Variants in RYR3 observed in about 807,000 individuals in gnomAD.
RYR3 encodes brain ryanodine receptor-calcium release channel.
Under a neutral mutation model 584.3 loss-of-function variants are expected in RYR3, and 207 were observed. The observed-to-expected ratio is 0.35, with a 90% CI of 0.32 to 0.40. The LOEUF (loss-of-function observed/expected upper bound fraction) is 0.40. Among genes scored for constraint, RYR3 ranks in the 10% least tolerant of loss-of-function variants. The probability of loss-of-function intolerance (pLI) is 1.00; values close to 1 mark genes in which losing one functional copy is unlikely to be tolerated. For missense variants in RYR3, 5,616 were observed against 6,089.2 expected, an observed-to-expected ratio of 0.92 and a Z score of 2.59; for synonymous variants, 2,416 against 2,248.5, an observed-to-expected ratio of 1.07 and a Z score of -2.11.
chr15:33,311,323 C>G lies in RYR3; in HGVS notation c.51+227C>G, dbSNP rs1022210849. Among the ~76,000 whole-genome samples the G allele has an allele frequency of 7.2e-5, 11 of 152,306 alleles. No individual in the cohort carries two copies. The East Asian group carries it at 2.1e-3, about 29-fold the overall frequency. On this transcript the variant is annotated intron_variant, in intron 1 of 103. Coordinates refer to ENST00000634891, the MANE Select transcript of RYR3 (RefSeq NM_001036.6). The surrounding 1 kb of genome is among the most constrained non-coding windows in gnomAD (Gnocchi z 4.4). ...CTCTCCCTTGTTCCCCTACCGCCAC[C>G]CCTGCCCCAGGCCCTCCACCTAGGA...
chr15:33,476,918 C>T (rs1176323366), intron 2 of RYR3, among the ~76,000 whole-genome samples: 2 of 152,142 alleles, frequency 1.3e-5, no homozygotes, highest in African/African-American at 4.8e-5. Context: ...ACTTGGGTTC[C>T]AAGAGCTTCA....
intron 99 of RYR3, 56 bp from the exon 100 acceptor site, chr15:33,859,519 T>G: frequency 6.3e-7 from 1 of 1,593,208 alleles, no homozygotes; most frequent in South Asian, 1.1e-5. Context: ...TCTGAGCATC[T>G]TGCTAAAAAC....
chr15:33,354,143 G>A (rs1013847967), intron 1 of RYR3, among the ~76,000 whole-genome samples: 3 of 152,292 alleles, frequency 2.0e-5, no homozygotes, highest in Middle Eastern at 3.4e-3. Context: ...CAACATAAAT[G>A]TTTAACATCC....
Position 33,311,003 on chromosome 15 carries a change from C to CA in RYR3, c.-42dup. 1 of 1,529,112 alleles carries CA rather than the reference C, an allele frequency of 6.5e-7. No individual in the cohort carries two copies. 94.7% of individuals were successfully genotyped at this position (1,529,112 alleles called of 1,614,324 possible). On this transcript the variant is annotated 5_prime_UTR_variant, in exon 1 of 104. Coordinates refer to ENST00000634891, the MANE Select transcript of RYR3 (RefSeq NM_001036.6). The surrounding 1 kb of genome is among the most constrained non-coding windows in gnomAD (Gnocchi z 4.4). ...CACGCCGAGCGGCTGCCGGGGGAAG[C>CA]AGAGGCGCCGGAGGCTGGGGCACCG...
intron 1 of RYR3, among the ~76,000 whole-genome samples, chr15:33,374,479 T>C (rs998181464): frequency 6.6e-6 from 1 of 152,092 alleles, no homozygotes; most frequent in Non-Finnish European, 1.5e-5. Flanking sequence ...TCCTCAATTA[T>C]GGTCAGTGCC....
chr15:33,436,949 T>C (rs1038637893), intron 1 of RYR3, among the ~76,000 whole-genome samples: 2 of 152,206 alleles, frequency 1.3e-5, no homozygotes, highest in Non-Finnish European at 2.9e-5. Context: ...CATTTAAATA[T>C]CTAATCCACT....
At chr15:33,494,310 A>G (rs989847181) in intron 2 of RYR3, among the ~76,000 whole-genome samples, 1 of 152,200 alleles carries the variant, frequency 6.6e-6, no homozygotes, top group African/African-American at 2.4e-5. Flanking sequence ...AATAAATTTG[A>G]TAACCTTCTC....
At chr15:33,406,061 A>G (rs1460903077) in intron 1 of RYR3, among the ~76,000 whole-genome samples, 1 of 152,200 alleles carries the variant, frequency 6.6e-6, no homozygotes, top group Non-Finnish European at 1.5e-5. Flanking sequence ...CCAGGAGGAC[A>G]TGTTATTCTG....
chr15:33,811,041 A>T lies in RYR3; in HGVS notation c.10257+4A>T, dbSNP rs1287812179. 6.2e-7 allele frequency: 1 copy of T among 1,605,858 alleles called. No individual in the cohort carries two copies. Among genetic ancestry groups the T allele is most frequent in the Middle Eastern group, 1.7e-4 (1 of 6,060 alleles). Reference sequence around the variant, plus strand: ...CAACTTGCACTTGCAGGAAAAGGTGATGACTCAGGACAGCAGTGAGAACTC... The same window carrying T: ...CAACTTGCACTTGCAGGAAAAGGTGTTGACTCAGGACAGCAGTGAGAACTC... On this transcript the variant is annotated splice_donor_region_variant and intron_variant, in intron 72 of 103. Coordinates refer to ENST00000634891, the MANE Select transcript of RYR3 (RefSeq NM_001036.6).
intron 38 of RYR3, among the ~76,000 whole-genome samples, chr15:33,688,858 G>A (rs532772017): frequency 1.6e-4 from 24 of 152,154 alleles, no homozygotes; most frequent in African/African-American, 3.6e-4. Context: ...CATTTGATCC[G>A]GCAATCCCAT....
chr15:33,336,292 C>T (rs368933430), intron 1 of RYR3, among the ~76,000 whole-genome samples: 4 of 151,286 alleles, frequency 2.6e-5, no homozygotes, highest in Admixed American at 6.6e-5. Context: ...ATTAGCCACC[C>T]GTGGTGGCAC....
chr15:33,830,131 A>T (rs565919206), intron 85 of RYR3, among the ~76,000 whole-genome samples: 1 of 152,302 alleles, frequency 6.6e-6, no homozygotes, highest in African/African-American at 2.4e-5. Context: ...GAGAAGACTG[A>T]CTCCAATTTT....
chr15:33,647,280 A>G, intron 29 of RYR3, 144 bp from the exon 30 acceptor site: 3 of 647,110 alleles, frequency 4.6e-6, no homozygotes, highest in Non-Finnish European at 8.3e-6. Context: ...ATAAGTCCCA[A>G]GACTGGTTGC....
intron 65 of RYR3, among the ~76,000 whole-genome samples, chr15:33,783,451 T>C (rs1266498792): frequency 2.6e-5 from 4 of 152,202 alleles, no homozygotes; most frequent in African/African-American, 9.6e-5. Context: ...CAAAACACCC[T>C]GAATCACAAA....
chr15:33,502,660 T>C (rs1328604743), intron 2 of RYR3, among the ~76,000 whole-genome samples: 1 of 152,254 alleles, frequency 6.6e-6, no homozygotes, highest in African/African-American at 2.4e-5. Flanking sequence ...ATTTGAATAT[T>C]TGCTGATCTA....
intron 103 of RYR3, among the ~76,000 whole-genome samples, chr15:33,864,600 G>A (rs1889799947): frequency 6.6e-6 from 1 of 151,454 alleles, no homozygotes; most frequent in East Asian, 1.9e-4. Context: ...GTGCATGTGA[G>A]AGGATGAGTG....
chr15:33,707,958 T>C (rs2066836141), intron 43 of RYR3, among the ~76,000 whole-genome samples: 1 of 152,224 alleles, frequency 6.6e-6, no homozygotes, highest in Non-Finnish European at 1.5e-5. Context: ...AATATTTAAA[T>C]GGTTTCTTTT....
At chr15:33,684,711 G>C (rs912956382) in intron 38 of RYR3, among the ~76,000 whole-genome samples, 8 of 152,156 alleles carry the variant, frequency 5.3e-5, no homozygotes, top group African/African-American at 1.9e-4. Context: ...GAAAGGTTGC[G>C]TTACCCACAA....
rs1006062756 is a variant in RYR3 at position 33,821,336 on chromosome 15, G to C, written c.10882G>C (p.Glu3628Gln). Residue 3628 changes from glutamate to glutamine, a missense_variant, in exon 79 of 104, where the codon GAG becomes CAG. Coordinates refer to ENST00000634891, the MANE Select transcript of RYR3 (RefSeq NM_001036.6). ...QARLHERGAA[E>Q]MVLQMISASK... ...TCGGCTGCATGAGCGTGGTGCTGCA[G>C]AGATGGTCCTTCAGATGATAAGCGC... The C allele has an allele frequency of 3.1e-6, 5 of 1,603,340 alleles. No individual in the cohort carries two copies. The East Asian group carries it at 6.7e-5, about 22-fold the overall frequency.
Sources: gnomAD v4.1 joint callset for allele counts (sites outside exome capture counted in the v4.1 genomes callset) on GRCh38, gnomAD v4.1.1 for gene constraint, Gnocchi (gnomAD v3.1) non-coding constraint, MANE v1.5 for transcripts, NCBI Gene and HGNC (gene_info 2026-07-23, HGNC 2026-07-21) for gene names.